POLA2: variants seen among roughly 807,000 people sequenced by gnomAD.
POLA2 encodes the protein DNA polymerase alpha subunit B.
A neutral mutation model predicts 82.8 loss-of-function variants in POLA2; 47 were observed. The observed-to-expected ratio is 0.57, with a 90% CI of 0.45 to 0.72. POLA2 has a LOEUF of 0.72. Ranked by LOEUF, POLA2 falls within the 30% of genes least tolerant of loss-of-function variation. The pLI is 0.00. For synonymous variants in POLA2, 287 were observed against 286.8 expected (o/e 1.00, Z -0.01); for missense variants, 634 against 728.1 (o/e 0.87, Z 1.49).
At chr11:65,272,620 C>T (rs931581022) in intron 4 of POLA2, among the ~76,000 whole-genome samples, 2 of 152,210 alleles carry the variant, frequency 1.3e-5, no homozygotes, top group African/African-American at 4.8e-5. Context: ...AATAAACTGG[C>T]ATCCTTGGTT....
chr11:65,279,338 C>T (rs1015178894), intron 6 of POLA2, among the ~76,000 whole-genome samples, 200 bp from the exon 7 acceptor site: 1 of 152,046 alleles, frequency 6.6e-6, no homozygotes, highest in African/African-American at 2.4e-5. Context: ...CTCCTGTGGC[C>T]AGATGGAAGG....
chr11:65,287,946 A>G (rs1407597969), intron 11 of POLA2, 106 bp downstream of exon 11: 1 of 1,096,600 alleles, frequency 9.1e-7, no homozygotes, highest in African/African-American at 1.6e-5. Flanking sequence ...TTTAGAAAAT[A>G]TCTTTTCATT....
chr11:65,299,380 C>T (rs1949845445), downstream of POLA2, among the ~76,000 whole-genome samples: 1 of 152,264 alleles, frequency 6.6e-6, no homozygotes, highest in African/African-American at 2.4e-5. Flanking sequence ...CCTTACCCGC[C>T]TCGTGGCTTC....
At chr11:65,301,614 G>C (rs1280292307), downstream of POLA2, among the ~76,000 whole-genome samples, 5 of 152,096 alleles carry the variant, frequency 3.3e-5, no homozygotes, top group Non-Finnish European at 5.9e-5. Context: ...GCCGAGAGAT[G>C]GATGGGCAAC....
intron 4 of POLA2, among the ~76,000 whole-genome samples, chr11:65,271,442 G>A (rs1320034480): frequency 6.6e-6 from 1 of 152,210 alleles, no homozygotes; most frequent in East Asian, 1.9e-4. Flanking sequence ...TGATGCGTAA[G>A]CCAGGTGCAA....
chr11:65,277,798 A>AT (rs1379683854), intron 5 of POLA2, among the ~76,000 whole-genome samples: 1 of 152,202 alleles, frequency 6.6e-6, no homozygotes, highest in Non-Finnish European at 1.5e-5. Context: ...CTGCCTAGTC[A>AT]TTTTTTAATG....
intron 5 of POLA2, among the ~76,000 whole-genome samples, chr11:65,277,973 A>G (rs1351919822): frequency 2.0e-5 from 3 of 152,260 alleles, no homozygotes; most frequent in East Asian, 3.8e-4. Context: ...GGTGCCCCAC[A>G]TAAAACTGGT....
intron 10 of POLA2, among the ~76,000 whole-genome samples, chr11:65,284,889 C>T (rs1488189796): frequency 6.6e-6 from 1 of 152,204 alleles, no homozygotes; most frequent in African/African-American, 2.4e-5. Flanking sequence ...ATCACTGATA[C>T]TAGCATGTTG....
In POLA2 at chr11:65,295,880, C is replaced by CCG. The variant is rs1334323295; in HGVS notation, c.1539_1540dup (p.Pro514ArgfsTer32). 7 of 1,613,326 alleles carry CCG rather than the reference C, an allele frequency of 4.3e-6. No homozygotes were observed. Among genetic ancestry groups the CCG allele is most frequent in the Non-Finnish European group, 5.9e-6 (7 of 1,179,326 alleles). On this transcript the variant is annotated frameshift_variant, in exon 17 of 18. Coordinates refer to ENST00000265465, the MANE Select transcript of POLA2 (RefSeq NM_002689.4). LOFTEE classifies it high-confidence loss of function. The stretch of plus-strand genomic sequence containing the variant: ...TCTCTGTAGCTACTACCCACTCTAC[C>CCG]CGCCCCAAGAAGACATGGCCATTGA...
downstream of POLA2, among the ~76,000 whole-genome samples, chr11:65,302,955 C>T (rs1253415848): frequency 2.0e-5 from 3 of 152,098 alleles, no homozygotes; most frequent in Non-Finnish European, 4.4e-5. Flanking sequence ...AAGCAATCCT[C>T]CTGCCTGAGC....
chr11:65,302,142 G>A (rs538864110), downstream of POLA2, among the ~76,000 whole-genome samples: 1 of 152,170 alleles, frequency 6.6e-6, no homozygotes, highest in Non-Finnish European at 1.5e-5. Flanking sequence ...TGCTCCCTGA[G>A]ATCCCAGGCT....
At chr11:65,295,226 A>G (rs1217387048) in intron 15 of POLA2, among the ~76,000 whole-genome samples, 1 of 152,196 alleles carries the variant, frequency 6.6e-6, no homozygotes, top group African/African-American at 2.4e-5. Flanking sequence ...GCCTGGCTAC[A>G]CACCCGCCTC....
chr11:65,293,344 T>G (rs1949774805), intron 13 of POLA2, among the ~76,000 whole-genome samples: 1 of 152,050 alleles, frequency 6.6e-6, no homozygotes, highest in Admixed American at 6.5e-5. Context: ...GTGTGGTGGC[T>G]CACACATGTA....
intron 10 of POLA2, among the ~76,000 whole-genome samples, chr11:65,285,172 G>A (rs1949682942): frequency 6.6e-6 from 1 of 151,994 alleles, no homozygotes; most frequent in South Asian, 2.1e-4. Flanking sequence ...TTGGGAGGCC[G>A]AGGTGGGCGG....
Position 65,282,081 on chromosome 11 carries a change from G to A in POLA2, c.963+349G>A, listed in dbSNP as rs924453520. 5.3e-5 allele frequency among the ~76,000 whole-genome samples: 8 copies of A among 152,302 alleles called. No individual in the cohort carries two copies. In the South Asian group the frequency reaches 1.0e-3, roughly 20 times the overall value. Reference sequence around the variant, plus strand: ...TGCAGCCAAATTTGGCCCAGAGGCCGAAAGGTTACCTATCCCTGCTCTAGG... The same window carrying A: ...TGCAGCCAAATTTGGCCCAGAGGCCAAAAGGTTACCTATCCCTGCTCTAGG... On this transcript the variant is annotated intron_variant, in intron 9 of 17. Coordinates refer to ENST00000265465, the MANE Select transcript of POLA2 (RefSeq NM_002689.4).
At chr11:65,285,595 AAG>A (rs1949688587) in intron 10 of POLA2, among the ~76,000 whole-genome samples, 1 of 151,824 alleles carries the variant, frequency 6.6e-6, no homozygotes, top group Non-Finnish European at 1.5e-5. Flanking sequence ...AAAAAAGAAA[AAG>A]AAAAAAAAGA....
chr11:65,288,350 G>A (rs1181950764), intron 11 of POLA2, among the ~76,000 whole-genome samples: 2 of 151,758 alleles, frequency 1.3e-5, no homozygotes, highest in African/African-American at 2.4e-5. Context: ...TCCACCCTTC[G>A]TTGATTTTAC....
At chr11:65,288,130 AC>A (rs1330280070) in intron 11 of POLA2, among the ~76,000 whole-genome samples, 1 of 152,012 alleles carries the variant, frequency 6.6e-6, no homozygotes, top group Non-Finnish European at 1.5e-5. Flanking sequence ...ACATGGTGAA[AC>A]CCCATCTCTA....
Position 65,294,187 on chromosome 11 carries a change from A to G in POLA2, c.1279A>G (p.Arg427Gly). 6.2e-7 allele frequency: 1 copy of G among 1,614,010 alleles called. No individual in the cohort carries two copies. Among genetic ancestry groups the G allele is most frequent in the South Asian group, 1.1e-5 (1 of 91,070 alleles). ...GSHLVFVPSL[R>G]DVHHEPVYPQ... Reference sequence around the variant, plus strand: ...CCACCTTGTCTTTGTCCCGTCATTGAGAGATGTGCACCATGAGCCTGTGTA... The same window carrying G: ...CCACCTTGTCTTTGTCCCGTCATTGGGAGATGTGCACCATGAGCCTGTGTA... Residue 427 changes from arginine (R) to glycine (G), a missense_variant, in exon 14 of 18, where the codon AGA becomes GGA. Transcript: ENST00000265465.
Sources: gnomAD v4.1 joint callset for allele counts (sites outside exome capture counted in the v4.1 genomes callset) on GRCh38, gnomAD v4.1.1 for gene constraint, MANE v1.5 for transcripts, NCBI Gene and HGNC (gene_info 2026-07-23, HGNC 2026-07-21) for gene names.